The following CRIM1 variants were observed in gnomAD, a reference collection of about 807,000 sequenced individuals.
CRIM1 encodes cysteine rich transmembrane BMP regulator 1.
CRIM1 carries 32 observed loss-of-function variants against 116.4 expected under a neutral mutation model. The observed-to-expected ratio is 0.27, with a 90% CI of 0.21 to 0.37. The LOEUF (loss-of-function observed/expected upper bound fraction) is 0.37, where lower values mean the gene tolerates loss of function less well. Among genes scored for constraint, CRIM1 ranks in the 10% least tolerant of loss-of-function variants. The pLI is 1.00. For missense variants in CRIM1, 1,331 were observed against 1,354.8 expected (o/e 0.98, Z 0.28); for synonymous variants, 590 against 509.2 (o/e 1.16, Z -2.13).
chr2:36,416,269 C>T (rs1673613121), intron 2 of CRIM1, among the ~76,000 whole-genome samples: 1 of 151,970 alleles, frequency 6.6e-6, no homozygotes, highest in Non-Finnish European at 1.5e-5. Context: ...TAAAAGATAA[C>T]TTTCATGATA....
intron 1 of CRIM1, among the ~76,000 whole-genome samples, chr2:36,360,157 C>T (rs979891245): frequency 6.6e-6 from 1 of 152,190 alleles, no homozygotes; most frequent in South Asian, 2.1e-4. Flanking sequence ...TCCCATGTGT[C>T]ATAGCGCTTT....
chr2:36,473,528 T>G (rs907644070), intron 5 of CRIM1, among the ~76,000 whole-genome samples: 1 of 152,164 alleles, frequency 6.6e-6, no homozygotes, highest in Non-Finnish European at 1.5e-5. Flanking sequence ...ATTTTCCCCC[T>G]AAGCTCTCAG....
chr2:36,532,312 CGTT>C (rs1220804083), intron 13 of CRIM1, among the ~76,000 whole-genome samples: 1 of 152,070 alleles, frequency 6.6e-6, no homozygotes, highest in Admixed American at 6.5e-5. Context: ...TAAAAATAAA[CGTT>C]ATTATGTTAG....
At chr2:36,498,338 T>C (rs937562712) in intron 7 of CRIM1, among the ~76,000 whole-genome samples, 2 of 152,188 alleles carry the variant, frequency 1.3e-5, no homozygotes, top group African/African-American at 2.4e-5. Context: ...CACAAACTAA[T>C]GCTGTAACCA....
At chr2:36,364,696 A>C (rs1357303530) in intron 1 of CRIM1, among the ~76,000 whole-genome samples, 2 of 152,088 alleles carry the variant, frequency 1.3e-5, no homozygotes, top group African/African-American at 4.8e-5. Context: ...TTTAATCGTG[A>C]GATCAGCTTG....
chr2:36,440,183 G>A (rs1197301700), intron 2 of CRIM1, among the ~76,000 whole-genome samples: 1 of 152,174 alleles, frequency 6.6e-6, no homozygotes, highest in Admixed American at 6.5e-5. Context: ...CCTTAGCCAG[G>A]TCACTTAAGC....
At chr2:36,453,109 C>T (rs1558601940) in intron 4 of CRIM1, among the ~76,000 whole-genome samples, 1 of 152,234 alleles carries the variant, frequency 6.6e-6, no homozygotes, top group Non-Finnish European at 1.5e-5. Flanking sequence ...ATATTTTACT[C>T]TTCATGTACA....
At position 36,441,409 on chromosome 2, in the gene CRIM1, C is replaced by A; in HGVS notation, c.657C>A (p.Arg219=). ...RCVCNPAGCL[R]KVCQPGNLNI... ...TGTGCAACCCCGCAGGCTGTCTGCGCAAAGTCTGCCAGCCGGGAAACCTGA... is the reference window on the plus strand; with the variant it reads ...TGTGCAACCCCGCAGGCTGTCTGCGAAAAGTCTGCCAGCCGGGAAACCTGA... Residue 219 remains arginine, a synonymous_variant, in exon 3 of 17, where the codon CGC becomes CGA. Coordinates refer to ENST00000280527, the MANE Select transcript of CRIM1 (RefSeq NM_016441.3). 1.2e-6 allele frequency: 2 copies of A among 1,614,192 alleles called. No individual in the cohort carries two copies. Among genetic ancestry groups the A allele is most frequent in the Non-Finnish European group, 1.7e-6 (2 of 1,180,036 alleles).
chr2:36,426,559 T>C (rs1572703515), intron 2 of CRIM1, among the ~76,000 whole-genome samples: 1 of 152,136 alleles, frequency 6.6e-6, no homozygotes, highest in Non-Finnish European at 1.5e-5. Context: ...CAAGTAGAAC[T>C]AGGAATTAGA....
Position 36,464,556 on chromosome 2 carries a change from T to G in CRIM1, c.892T>G (p.Cys298Gly). The G allele has an allele frequency of 6.2e-7, 1 of 1,614,192 alleles. No homozygotes were observed. The highest frequency in any genetic ancestry group is 8.5e-7 in the Non-Finnish European group (1 of 1,180,024). ...PTRCECLSGLCGFPVCEVGST... is the reference protein window; with the variant it reads ...PTRCECLSGLGGFPVCEVGST... ...CAGATGCGAGTGTCTCTCTGGCTTA[T>G]GTGGTTTCCCCGTGTGTGAGGTGGG... The change falls in exon 5 of 17, where the codon TGT becomes GGT. Residue 298 changes from cysteine (C) to glycine (G), a missense_variant. By Grantham distance (159) the Cys-to-Gly change is radical (BLOSUM62 -3). Coordinates refer to ENST00000280527, the MANE Select transcript of CRIM1 (RefSeq NM_016441.3).
intron 2 of CRIM1, among the ~76,000 whole-genome samples, chr2:36,424,925 T>C (rs1294894558): frequency 6.6e-6 from 1 of 152,236 alleles, no homozygotes; most frequent in African/African-American, 2.4e-5. Context: ...GTTAAATTAT[T>C]TCCTCTATTC....
intron 2 of CRIM1, among the ~76,000 whole-genome samples, chr2:36,440,263 C>T (rs1344150816): frequency 6.6e-6 from 1 of 152,304 alleles, no homozygotes; most frequent in African/African-American, 2.4e-5. Flanking sequence ...GGGTCTTATC[C>T]TACTACCCAA....
At chr2:36,486,055 CAT>C (rs1195220849) in intron 7 of CRIM1, among the ~76,000 whole-genome samples, 6 of 152,122 alleles carry the variant, frequency 3.9e-5, no homozygotes, top group African/African-American at 1.4e-4. Flanking sequence ...TGAATATTGT[CAT>C]ATTTTGATTT....
chr2:36,456,105 T>G (rs1321364110), intron 4 of CRIM1, among the ~76,000 whole-genome samples: 1 of 152,110 alleles, frequency 6.6e-6, no homozygotes. Flanking sequence ...GATTTTCAAG[T>G]AGAAGGTTAG....
chr2:36,370,862 A>G (rs907645536), intron 1 of CRIM1, among the ~76,000 whole-genome samples: 1 of 152,198 alleles, frequency 6.6e-6, no homozygotes, highest in African/African-American at 2.4e-5. Flanking sequence ...TAAGCATTTA[A>G]CTTCCCATAG....
intron 2 of CRIM1, among the ~76,000 whole-genome samples, chr2:36,419,707 C>A (rs899384521): frequency 6.6e-6 from 1 of 152,174 alleles, no homozygotes; most frequent in Non-Finnish European, 1.5e-5. Context: ...AGCTTCATTT[C>A]ATTTTCCCTG....
At chr2:36,469,378 C>T (rs3770858) in intron 5 of CRIM1, among the ~76,000 whole-genome samples, 33,946 of 152,140 alleles carry the variant, frequency 0.22, 3,899 homozygotes, top group East Asian at 0.37. Flanking sequence ...TAGCACTCTG[C>T]TTCTCACAGC....
Position 36,364,542 on chromosome 2 carries a change from G to A in CRIM1, c.331+7919G>A, listed in dbSNP as rs114142830. 5.1e-3 allele frequency among the ~76,000 whole-genome samples: 780 copies of A among 152,262 alleles called. 9 individuals carry two copies. Among genetic ancestry groups the A allele is most frequent in the African/African-American group, 0.018 (738 of 41,554 alleles). On this transcript the variant is annotated intron_variant, in intron 1 of 16. Coordinates refer to ENST00000280527, the MANE Select transcript of CRIM1 (RefSeq NM_016441.3). Reference sequence around the variant, plus strand: ...ATCTGACCACCAGGAAAAGTTTAGTGGAGGATGCAGCAACAAGAAAGACCT... The same window carrying A: ...ATCTGACCACCAGGAAAAGTTTAGTAGAGGATGCAGCAACAAGAAAGACCT...
chr2:36,365,414 T>C (rs1375797356), intron 1 of CRIM1, among the ~76,000 whole-genome samples: 1 of 152,204 alleles, frequency 6.6e-6, no homozygotes, highest in Non-Finnish European at 1.5e-5. Context: ...CAGGTTGATA[T>C]ATCTCACTGA....
Sources: gnomAD v4.1 joint callset for allele counts (sites outside exome capture counted in the v4.1 genomes callset) on GRCh38, gnomAD v4.1.1 for gene constraint, MANE v1.5 for transcripts, NCBI Gene and HGNC (gene_info 2026-07-23, HGNC 2026-07-21) for gene names.